Variants in MAU2 observed in about 807,000 individuals in gnomAD.
The protein encoded by MAU2 is MAU2 sister chromatid cohesion factor.
MAU2 carries 9 observed loss-of-function variants against 89.1 expected under a neutral mutation model. That is an observed-to-expected ratio of 0.10 (90% CI 0.06 to 0.18). The LOEUF is 0.18. MAU2 is among the 10% of genes least tolerant of loss of function. MAU2 has a pLI of 1.00. For missense variants in MAU2, 425 were observed against 803.5 expected, an observed-to-expected ratio of 0.53 and a Z score of 5.69; for synonymous variants, 357 against 343.4, an observed-to-expected ratio of 1.04 and a Z score of -0.44.
chr19:19,332,934 A>G (rs2061567555), intron 1 of MAU2, among the ~76,000 whole-genome samples: 1 of 152,106 alleles, frequency 6.6e-6, no homozygotes, highest in African/African-American at 2.4e-5. Flanking sequence ...AAAATTAGCC[A>G]GGCATGGTGG....
At chr19:19,346,060 C>G (rs967213709) in intron 12 of MAU2, among the ~76,000 whole-genome samples, 1 of 152,148 alleles carries the variant, frequency 6.6e-6, no homozygotes. Flanking sequence ...GCAAGGTCAC[C>G]AGGGAGTCCT....
At position 19,321,209 on chromosome 19, in the gene MAU2, G is replaced by A. The variant is rs2061451350; in HGVS notation, c.276+74G>A. 5 of 1,406,006 alleles carry A rather than the reference G, an allele frequency of 3.6e-6. No homozygotes were observed. The Admixed American group carries it at 1.2e-4, about 33-fold the overall frequency. 87.1% of individuals were successfully genotyped at this position (1,406,006 alleles called of 1,614,324 possible). The stretch of plus-strand genomic sequence containing the variant: ...ATCTGGGCTGACGGGTCGCGACCGC[G>A]GCGGGTGGGGGGCCGCTCCTCGGCG... On this transcript the variant is annotated intron_variant, in intron 1 of 18. Coordinates refer to ENST00000262815, the MANE Select transcript of MAU2 (RefSeq NM_015329.4).
rs73524684 is a variant in MAU2, at chr19:19,332,514, C to T, written c.277-3204C>T. Among the ~76,000 whole-genome samples, 1,085 of 152,052 alleles carry T rather than the reference C, an allele frequency of 7.1e-3. 14 individuals carry two copies. The highest frequency in any genetic ancestry group is 0.024 in the African/African-American group (993 of 41,446). On this transcript the variant is annotated intron_variant, in intron 1 of 18. Transcript: ENST00000262815. ...TAATTTCTCCAGTGCCTTAGAGCAT[C>T]GCTAACTCACAGTGGATCCACACCT... is the stretch of plus-strand genomic sequence containing the variant.
intron 6 of MAU2, 83 bp downstream of exon 6, chr19:19,340,956 C>A: frequency 6.4e-7 from 1 of 1,567,624 alleles, no homozygotes; most frequent in Non-Finnish European, 8.7e-7. Flanking sequence ...TCAGACCCCA[C>A]CCACTCTCCA....
In MAU2 at chr19:19,337,124, G is replaced by T. The variant is rs188967899; in HGVS notation, c.361-46G>T. 10 of 1,161,612 alleles carry T rather than the reference G, an allele frequency of 8.6e-6. No homozygotes were observed. The highest frequency in any genetic ancestry group is 3.2e-5 in the African/African-American group (2 of 63,240). The allele number at this position is 1,161,612 out of a possible 1,614,324, so 72.0% of individuals were successfully genotyped here. ...AGGAATCCAGCTTGATTGCCGCCTT[G>T]TTTTTTTTTTTTCTTACATTCCCAA... On this transcript the variant is annotated intron_variant, in intron 3 of 18. Coordinates refer to ENST00000262815, the MANE Select transcript of MAU2 (RefSeq NM_015329.4).
At position 19,356,985 on chromosome 19, in the gene MAU2, C is replaced by T. The variant is rs967100672; in HGVS notation, c.*1203C>T. On this transcript the variant is annotated 3_prime_UTR_variant, in exon 19 of 19. Transcript: ENST00000262815. ...CCTCCAGCTTCTGGGGCCCAGGAGC[C>T]TCTCCCTGCTACAGGGGGTGGGGGT... 6.6e-6 allele frequency: 1 copy of T among 152,264 alleles called. No homozygotes were observed. Among genetic ancestry groups the T allele is most frequent in the African/African-American group, 2.4e-5 (1 of 41,426 alleles). The allele number at this position is 152,264 out of a possible 1,614,324, so 9.4% of individuals were successfully genotyped here.
chr19:19,334,077 C>A, intron 1 of MAU2: 1 of 740,362 alleles, frequency 1.4e-6, no homozygotes, highest in Non-Finnish European at 1.6e-6. Context: ...TGTGTTAGAC[C>A]CGGCTTCTCA....
intron 16 of MAU2, among the ~76,000 whole-genome samples, chr19:19,351,140 T>G (rs2061740468): frequency 6.6e-6 from 1 of 151,206 alleles, no homozygotes; most frequent in South Asian, 2.1e-4. Context: ...CTTCACCCCC[T>G]GTAGGCTCAA....
At chr19:19,341,670 G>T (rs1157487918) in intron 7 of MAU2, among the ~76,000 whole-genome samples, 4 of 152,230 alleles carry the variant, frequency 2.6e-5, no homozygotes, top group Non-Finnish European at 4.4e-5. Context: ...CTCAGTGTAT[G>T]GATGCTCAGA....
Position 19,330,474 on chromosome 19 carries a change from C to T in MAU2, c.277-5244C>T, listed in dbSNP as rs1434911572. On this transcript the variant is annotated intron_variant, in intron 1 of 18. Transcript: ENST00000262815. Reference sequence around the variant, plus strand: ...TAGTTGGGCCTGCCAGGCGCCATGGCTCACGCCTGTAATCCCAGCACTTTG... The same window carrying T: ...TAGTTGGGCCTGCCAGGCGCCATGGTTCACGCCTGTAATCCCAGCACTTTG... Among the ~76,000 whole-genome samples, 9 of 152,252 alleles carry T rather than the reference C, an allele frequency of 5.9e-5. No individual in the cohort carries two copies. In the East Asian group the frequency reaches 1.2e-3, roughly 20 times the overall value.
chr19:19,351,837 ATTTTTTTTTTTTTTT>A (rs35932608), intron 16 of MAU2, among the ~76,000 whole-genome samples: 4 of 58,916 alleles, frequency 6.8e-5, no homozygotes, highest in African/African-American at 2.7e-4. Flanking sequence ...CTGTTTGGTA[ATTTTTTTTTTTTTTT>A]TTTTTTTTTT....
At chr19:19,342,752 CCTG>C in intron 8 of MAU2, 21 bp from the exon 9 acceptor site, 2 of 1,613,918 alleles carry the variant, frequency 1.2e-6, no homozygotes, top group Non-Finnish European at 1.7e-6. Flanking sequence ...CCTGGTAACC[CCTG>C]CTGTCTGGTC....
chr19:19,339,287 A>G (rs1485000705), intron 5 of MAU2, among the ~76,000 whole-genome samples: 1 of 152,118 alleles, frequency 6.6e-6, no homozygotes. Context: ...TTTCTACTAA[A>G]AATACAAAAA....
At chr19:19,338,261 T>G (rs575089493) in intron 4 of MAU2, among the ~76,000 whole-genome samples, 78 of 152,336 alleles carry the variant, frequency 5.1e-4, no homozygotes, top group Admixed American at 1.3e-3. Flanking sequence ...CGCACTCTTG[T>G]GCCCATTAGC....
chr19:19,356,401 C>G lies in MAU2; in HGVS notation c.*619C>G, dbSNP rs1425365857. On this transcript the variant is annotated 3_prime_UTR_variant, in exon 19 of 19. Transcript: ENST00000262815. ...ACCCAGGAACTCAGCTTCCAAACATCTGCACCTTGACCGGACTCGCCATCC... is the reference window on the plus strand; with the variant it reads ...ACCCAGGAACTCAGCTTCCAAACATGTGCACCTTGACCGGACTCGCCATCC... 1.1e-5 allele frequency: 3 copies of G among 285,210 alleles called. No homozygotes were observed. The highest frequency in any genetic ancestry group is 2.1e-5 in the Non-Finnish European group (3 of 143,724). 17.7% of individuals were successfully genotyped at this position (285,210 alleles called of 1,614,324 possible).
At chr19:19,332,350 T>TTTA (rs1491362068) in intron 1 of MAU2, among the ~76,000 whole-genome samples, 1 of 144,750 alleles carries the variant, frequency 6.9e-6, no homozygotes, top group Non-Finnish European at 1.5e-5. Context: ...TTTTTTTTTT[T>TTTA]AGAGCGAGAG....
At chr19:19,354,804 C>T (rs558482876) in intron 17 of MAU2, among the ~76,000 whole-genome samples, 5 of 152,170 alleles carry the variant, frequency 3.3e-5, no homozygotes, top group Non-Finnish European at 7.4e-5. Context: ...GGGAGCAGGG[C>T]GGGCACTCAG....
chr19:19,321,066 G>A lies in MAU2; in HGVS notation c.207G>A (p.Leu69=), dbSNP rs2061449138. 2 of 1,612,242 alleles carry A rather than the reference G, an allele frequency of 1.2e-6. No individual in the cohort carries two copies. The highest frequency in any genetic ancestry group is 1.7e-6 in the Non-Finnish European group (2 of 1,179,424). The change falls in exon 1 of 19, where the codon CTG becomes CTA. Residue 69 remains leucine (L), a synonymous_variant. Transcript: ENST00000262815. ...AGCGCATCGAGGCCCGTACACACCT[G>A]CAGCTGGGCTCCGTTCTCTATCACC... ...PPQRIEARTH[L]QLGSVLYHHT...
At chr19:19,353,982 T>C in intron 16 of MAU2, 1 of 254,476 alleles carries the variant, frequency 3.9e-6, no homozygotes, top group South Asian at 5.0e-5. Flanking sequence ...CTGCTGCCCT[T>C]CTCAGAACCT....
Sources: allele counts gnomAD v4.1 joint callset (sites outside exome capture counted in the v4.1 genomes callset), GRCh38; gene constraint gnomAD v4.1.1; transcripts MANE v1.5; gene names NCBI Gene and HGNC (gene_info 2026-07-23, HGNC 2026-07-21).